STARD9: variants seen among roughly 807,000 people sequenced by gnomAD.
The protein encoded by STARD9 is stAR-related lipid transfer protein 9.
In STARD9, 346 loss-of-function variants were observed where a neutral mutation model predicts 399.8. The ratio of observed to expected loss-of-function variants is 0.87; its 90% confidence interval spans 0.79 to 0.95. The LOEUF (loss-of-function observed/expected upper bound fraction) is 0.95. Ranked by LOEUF, STARD9 falls within the 40% of genes least tolerant of loss-of-function variation. The probability of loss-of-function intolerance (pLI) is 0.00; values close to 1 mark genes in which losing one functional copy is unlikely to be tolerated. For synonymous variants in STARD9, 2,203 were observed against 2,143.5 expected (o/e 1.03, Z -0.77); for missense variants, 5,832 against 5,667.5 (o/e 1.03, Z -0.93).
At chr15:42,590,804 G>T (rs542151119) in intron 3 of STARD9, among the ~76,000 whole-genome samples, 1 of 152,152 alleles carries the variant, frequency 6.6e-6, no homozygotes, top group South Asian at 2.1e-4. Flanking sequence ...CTCTTAAACA[G>T]TCAGCTCCAG....
chr15:42,577,458 C>G (rs1193296661), intron 1 of STARD9, among the ~76,000 whole-genome samples: 2 of 152,158 alleles, frequency 1.3e-5, no homozygotes, highest in Admixed American at 1.3e-4. Context: ...CAGCCGGACA[C>G]TAGGAATTTA....
At position 42,664,644 on chromosome 15, in the gene STARD9, G is replaced by C. The variant is rs149365302; in HGVS notation, c.1177-609G>C. Among the ~76,000 whole-genome samples, 5 of 152,334 alleles carry C rather than the reference G, an allele frequency of 3.3e-5. No individual in the cohort carries two copies. In the East Asian group the frequency reaches 9.6e-4, roughly 29 times the overall value. ...AGCCTCCCAAAGTGCTGGGGTTACA[G>C]GTGTGGGCCAAAGTGCCCAGTCTTA... On this transcript the variant is annotated intron_variant, in intron 13 of 32. Coordinates refer to ENST00000290607, the MANE Select transcript of STARD9 (RefSeq NM_020759.3).
rs148764121 is a variant in STARD9, at chr15:42,707,646, A to G, written c.13285-9031A>G. Among the ~76,000 whole-genome samples the G allele has an allele frequency of 1.7e-3, 253 of 151,852 alleles. 1 individual carries two copies. The Middle Eastern group carries it at 0.027, about 16-fold the overall frequency. On this transcript the variant is annotated intron_variant, in intron 26 of 32. Transcript: ENST00000290607. ...CACCATGCCCAGCTTATTTTTTTGTATTTTTAGTGGAGACGGACTTTTACT... is the reference window on the plus strand; with the variant it reads ...CACCATGCCCAGCTTATTTTTTTGTGTTTTTAGTGGAGACGGACTTTTACT...
intron 30 of STARD9, 70 bp from the exon 31 acceptor site, chr15:42,718,365 C>G: frequency 7.3e-7 from 1 of 1,375,496 alleles, no homozygotes; most frequent in Non-Finnish European, 1.0e-6. Flanking sequence ...GGAGGGCTCC[C>G]TGACCAGGAA....
chr15:42,575,762 G>A lies in STARD9; in HGVS notation c.47G>A (p.Arg16Lys), dbSNP rs1337235086. The change falls in exon 1 of 33, where the codon AGG (arginine) becomes AAG (lysine). Residue 16 changes from arginine (R) to lysine (K), a missense_variant and splice_region_variant. Arg to Lys is a conservative substitution (Grantham distance 26). Transcript: ENST00000290607. ...GTGCGGGTCCGGCCGCTCAGCAAGAGGTGAGTCTCCGCGGGAGAGGGCGCC... is the reference window on the plus strand; with the variant it reads ...GTGCGGGTCCGGCCGCTCAGCAAGAAGTGAGTCTCCGCGGGAGAGGGCGCC... ...VAVRVRPLSKRETKEGGRIIV... is the reference protein window; with the variant it reads ...VAVRVRPLSKKETKEGGRIIV... 5 of 1,536,964 alleles carry A rather than the reference G, an allele frequency of 3.3e-6. No individual in the cohort carries two copies. Among genetic ancestry groups the A allele is most frequent in the Non-Finnish European group, 4.4e-6 (5 of 1,146,812 alleles).
At chr15:42,604,329 A>G (rs903943415) in intron 3 of STARD9, among the ~76,000 whole-genome samples, 1 of 152,238 alleles carries the variant, frequency 6.6e-6, no homozygotes, top group Non-Finnish European at 1.5e-5. Flanking sequence ...TCATAAGGTC[A>G]TATAATATGT....
intron 1 of STARD9, among the ~76,000 whole-genome samples, chr15:42,581,672 C>T (rs2058175259): frequency 6.6e-6 from 1 of 152,136 alleles, no homozygotes; most frequent in Non-Finnish European, 1.5e-5. Context: ...GCAGCCTCAG[C>T]AGCAGCAGCA....
chr15:42,654,629 C>T (rs985801617), intron 9 of STARD9, among the ~76,000 whole-genome samples: 5 of 151,944 alleles, frequency 3.3e-5, no homozygotes, highest in African/African-American at 1.2e-4. Flanking sequence ...CTGTGCTATA[C>T]ACCAGCAGCA....
chr15:42,638,053 G>T lies in STARD9; in HGVS notation c.412G>T (p.Ala138Ser), dbSNP rs371507461. 1.2e-5 allele frequency: 19 copies of T among 1,537,360 alleles called. No individual in the cohort carries two copies. The African/African-American group carries it at 2.2e-4, about 18-fold the overall frequency. The change falls in exon 6 of 33, where the codon GCC becomes TCC. Residue 138 changes from alanine (A) to serine (S), a missense_variant. By Grantham distance (99) the Ala-to-Ser change is moderately conservative. Coordinates refer to ENST00000290607, the MANE Select transcript of STARD9 (RefSeq NM_020759.3). ...EGLFVREKDC[A>S]SLPSSCRIKV... ...TCTCTTCGTCAGGGAGAAAGACTGT[G>T]CCTCACTGCCTTCCTCCTGTAGGAT...
chr15:42,617,322 G>A (rs1417097122), intron 3 of STARD9, among the ~76,000 whole-genome samples: 1 of 152,104 alleles, frequency 6.6e-6, no homozygotes, highest in Non-Finnish European at 1.5e-5. Flanking sequence ...AGAAAATTAG[G>A]AGGAAAAGAA....
At chr15:42,590,410 T>C (rs1459035931) in intron 3 of STARD9, among the ~76,000 whole-genome samples, 1 of 152,168 alleles carries the variant, frequency 6.6e-6, no homozygotes, top group Non-Finnish European at 1.5e-5. Flanking sequence ...AAATATGGCA[T>C]TGATTTCAGA....
chr15:42,662,657 A>G (rs1361655505), intron 10 of STARD9, 137 bp from the exon 11 acceptor site: 3 of 539,554 alleles, frequency 5.6e-6, no homozygotes, highest in African/African-American at 3.8e-5. Flanking sequence ...TTCTTCTGGA[A>G]CTGAATTCTA....
chr15:42,665,478 T>A (rs1287822491), intron 14 of STARD9, 148 bp downstream of exon 14: 2 of 684,670 alleles, frequency 2.9e-6, no homozygotes, highest in East Asian at 5.4e-5. Context: ...AAAACAGAGA[T>A]TTCTCTGATT....
intron 3 of STARD9, among the ~76,000 whole-genome samples, chr15:42,627,556 CTT>C (rs927436366): frequency 6.6e-6 from 1 of 152,112 alleles, no homozygotes; most frequent in Non-Finnish European, 1.5e-5. Context: ...TTTTGTCTAA[CTT>C]TTTTTGTACC....
At chr15:42,577,875 A>T (rs139437182) in intron 1 of STARD9, among the ~76,000 whole-genome samples, 1 of 152,358 alleles carries the variant, frequency 6.6e-6, no homozygotes, top group Non-Finnish European at 1.5e-5. Flanking sequence ...GCACACACTC[A>T]GTTGACAGTC....
intron 3 of STARD9, among the ~76,000 whole-genome samples, chr15:42,594,326 C>T (rs568749503): frequency 2.6e-5 from 4 of 152,226 alleles, no homozygotes; most frequent in South Asian, 2.1e-4. Context: ...GTTGATCCTG[C>T]GATGGGAAGG....
At position 42,682,591 on chromosome 15, in the gene STARD9, G is replaced by T. The variant is rs1422795697; in HGVS notation, c.2537+16G>T. On this transcript the variant is annotated intron_variant, in intron 22 of 32. Coordinates refer to ENST00000290607, the MANE Select transcript of STARD9 (RefSeq NM_020759.3). The stretch of plus-strand genomic sequence containing the variant: ...AGCTACACAGGTACAGCCAGTAGTT[G>T]TCACTGGGAAGCACTCGGTTAAAGT... 6 of 1,509,130 alleles carry T rather than the reference G, an allele frequency of 4.0e-6. No homozygotes were observed. The South Asian group carries it at 7.4e-5, about 19-fold the overall frequency. The allele number at this position is 1,509,130 out of a possible 1,614,324, so 93.5% of individuals were successfully genotyped here. A position where few individuals can be genotyped will look rare whatever the true frequency, so the allele number is the denominator to read the frequency against.
At chr15:42,719,032 G>C in intron 32 of STARD9, 122 bp downstream of exon 32, 1 of 834,656 alleles carries the variant, frequency 1.2e-6, no homozygotes, top group Non-Finnish European at 1.8e-6. Context: ...CTGAGACCTG[G>C]AGACTTGAGG....
chr15:42,578,907 A>T (rs1022822391), intron 1 of STARD9, among the ~76,000 whole-genome samples: 1 of 152,122 alleles, frequency 6.6e-6, no homozygotes, highest in African/African-American at 2.4e-5. Context: ...GTGTTCACAA[A>T]CAGGGTCTTT....
Sources: gnomAD v4.1 joint callset for allele counts (sites outside exome capture counted in the v4.1 genomes callset) on GRCh38, gnomAD v4.1.1 for gene constraint, MANE v1.5 for transcripts, NCBI Gene and HGNC (gene_info 2026-07-23, HGNC 2026-07-21) for gene names.